Variants in TRAPPC10 observed in about 807,000 individuals in gnomAD.
The protein encoded by TRAPPC10 is trafficking protein particle complex subunit 10.
TRAPPC10 carries 23 observed loss-of-function variants against 125.5 expected under a neutral mutation model. The observed-to-expected ratio is 0.18, with a 90% CI of 0.13 to 0.26. TRAPPC10 has a LOEUF of 0.26. Among genes scored for constraint, TRAPPC10 ranks in the 10% least tolerant of loss-of-function variants. The pLI is 1.00. For synonymous variants in TRAPPC10, 509 were observed against 518.0 expected (o/e 0.98, Z 0.24); for missense variants, 1,123 against 1,308.4 (o/e 0.86, Z 2.19).
chr21:44,013,005 A>T (rs777920111), intron 1 of TRAPPC10, among the ~76,000 whole-genome samples: 1 of 152,152 alleles, frequency 6.6e-6, no homozygotes, highest in South Asian at 2.1e-4. Flanking sequence ...GCAGAGTTGC[A>T]GGCGTTGGCG....
chr21:44,032,286 C>T (rs548680714), intron 2 of TRAPPC10, 114 bp downstream of exon 2: 15 of 736,332 alleles, frequency 2.0e-5, no homozygotes, highest in Non-Finnish European at 2.8e-5. Context: ...TGAAGTAGCA[C>T]AAGTTAAAAG....
In TRAPPC10 at chr21:44,049,878, C is replaced by CT. The variant is rs71326020; in HGVS notation, c.286-2392dup. Among the ~76,000 whole-genome samples, 416 of 147,692 alleles carry CT rather than the reference C, an allele frequency of 2.8e-3. 2 individuals carry two copies. Among genetic ancestry groups the CT allele is most frequent in the Middle Eastern group, 0.021 (6 of 292 alleles). On this transcript the variant is annotated intron_variant, in intron 3 of 22. Coordinates refer to ENST00000291574, the MANE Select transcript of TRAPPC10 (RefSeq NM_003274.5). The stretch of plus-strand genomic sequence containing the variant: ...TGTAGTGACTTTGTTTTCTTTCTTT[C>CT]TTTTTTTTTTGTTTTTTTTGAGATG...
intron 3 of TRAPPC10, among the ~76,000 whole-genome samples, chr21:44,048,442 C>G (rs190764665): frequency 2.0e-5 from 3 of 152,114 alleles, no homozygotes; most frequent in African/African-American, 7.2e-5. Context: ...GTCTTGAAAA[C>G]CACTGATTCA....
Position 44,063,168 on chromosome 21 carries a change from G to A in TRAPPC10, c.791-370G>A. On this transcript the variant is annotated intron_variant, in intron 6 of 22. Transcript: ENST00000291574. This position sits in a 1 kb window ranked among gnomAD's most constrained non-coding sequence, Gnocchi z 4.4. ...AGAGCAGGCTGCACTCCAGCCCACA[G>A]GTAAAGATAAGGAAGCCCAGCCCCG... is the stretch of plus-strand genomic sequence containing the variant. 7.7e-7 allele frequency: 1 copy of A among 1,298,882 alleles called. No individual in the cohort carries two copies. Among genetic ancestry groups the A allele is most frequent in the Non-Finnish European group, 1.0e-6 (1 of 991,286 alleles). 80.5% of individuals were successfully genotyped at this position (1,298,882 alleles called of 1,614,324 possible).
intron 1 of TRAPPC10, among the ~76,000 whole-genome samples, chr21:44,029,725 G>T (rs925316842): frequency 2.0e-5 from 3 of 152,188 alleles, no homozygotes; most frequent in Non-Finnish European, 4.4e-5. Flanking sequence ...TCCTCATGGG[G>T]CCTTCCTGCG....
intron 12 of TRAPPC10, 78 bp from the exon 13 acceptor site, chr21:44,079,937 C>A: frequency 7.5e-7 from 1 of 1,326,008 alleles, no homozygotes; most frequent in Non-Finnish European, 1.1e-6. Flanking sequence ...TCTGTGAAGG[C>A]CGTAGGAGAC....
In TRAPPC10 at chr21:44,055,902, C is replaced by T. The variant is rs1202587295; in HGVS notation, c.678+9C>T. 1.3e-6 allele frequency: 2 copies of T among 1,591,396 alleles called. No homozygotes were observed. The highest frequency in any genetic ancestry group is 1.3e-5 in the African/African-American group (1 of 74,726). Reference sequence around the variant, plus strand: ...AATATTTCATGGTTCAGGTACTTGACTCATTACAGAACTAGACAGTTCCTT... The same window carrying T: ...AATATTTCATGGTTCAGGTACTTGATTCATTACAGAACTAGACAGTTCCTT... On this transcript the variant is annotated intron_variant, in intron 5 of 22. Coordinates refer to ENST00000291574, the MANE Select transcript of TRAPPC10 (RefSeq NM_003274.5).
intron 18 of TRAPPC10, chr21:44,091,666 C>T (rs1168517307): frequency 8.9e-6 from 3 of 337,904 alleles, no homozygotes; most frequent in Non-Finnish European, 1.7e-5. Flanking sequence ...TCTCAATCTC[C>T]TGACCTCATA....
chr21:44,067,335 G>A (rs77729562), intron 7 of TRAPPC10, among the ~76,000 whole-genome samples: 2,466 of 152,316 alleles, frequency 0.016, 35 homozygotes, highest in Non-Finnish European at 0.028. Flanking sequence ...AGGCAGAGAT[G>A]TAGTGTGGGA....
At chr21:44,060,907 T>TAC (rs1342979316) in intron 6 of TRAPPC10, among the ~76,000 whole-genome samples, 2 of 115,130 alleles carry the variant, frequency 1.7e-5, no homozygotes, top group African/African-American at 1.1e-4. Flanking sequence ...AGCCTATACA[T>TAC]ACATACATAC....
intron 3 of TRAPPC10, among the ~76,000 whole-genome samples, chr21:44,038,262 G>A (rs991420178): frequency 2.0e-5 from 3 of 152,164 alleles, no homozygotes; most frequent in Non-Finnish European, 2.9e-5. Flanking sequence ...CCGTGGCGCC[G>A]AGCGTGGTCG....
intron 17 of TRAPPC10, chr21:44,089,032 C>G (rs1165833023): frequency 5.1e-6 from 1 of 194,980 alleles, no homozygotes; most frequent in Non-Finnish European, 1.1e-5. Context: ...CCCCGCTCTT[C>G]CCTGGCGCTG....
At chr21:44,041,808 C>A (rs1341057008) in intron 3 of TRAPPC10, among the ~76,000 whole-genome samples, 1 of 152,138 alleles carries the variant, frequency 6.6e-6, no homozygotes, top group East Asian at 1.9e-4. Context: ...CTCACTGCAA[C>A]CTCTGCCTCC....
Position 44,077,730 on chromosome 21 carries a change from T to C in TRAPPC10, c.1415T>C (p.Ile472Thr), listed in dbSNP as rs199809242. ...GCCACCATTGAAATGTATACAAGCA[T>C]TGGGAGGATTCGATCTGCTAAGTTT... is the stretch of plus-strand genomic sequence containing the variant. ...SHATIEMYTSIGRIRSAKFVG... is the reference protein window; with the variant it reads ...SHATIEMYTSTGRIRSAKFVG... The change falls in exon 11 of 23, where the codon ATT becomes ACT. Residue 472 changes from isoleucine (I) to threonine (T), a missense_variant. Physicochemically the swap from Ile to Thr is moderately conservative, Grantham distance 89. Coordinates refer to ENST00000291574, the MANE Select transcript of TRAPPC10 (RefSeq NM_003274.5). The C allele has an allele frequency of 6.2e-7, 1 of 1,610,906 alleles. No homozygotes were observed. Among genetic ancestry groups the C allele is most frequent in the East Asian group, 2.2e-5 (1 of 44,798 alleles).
intron 3 of TRAPPC10, among the ~76,000 whole-genome samples, chr21:44,040,107 A>T (rs940960323): frequency 2.0e-5 from 3 of 152,208 alleles, no homozygotes; most frequent in Non-Finnish European, 4.4e-5. Flanking sequence ...AGTATGTATC[A>T]TAGTGTTTAT....
rs935328972 is a variant in TRAPPC10, at chr21:44,063,348, T to C, written c.791-190T>C. On this transcript the variant is annotated intron_variant, in intron 6 of 22. Coordinates refer to ENST00000291574, the MANE Select transcript of TRAPPC10 (RefSeq NM_003274.5). This position sits in a 1 kb window ranked among gnomAD's most constrained non-coding sequence, Gnocchi z 4.4. ...AGGGTGGTGTGCCTTGTTGCCTGGG[T>C]CACGTTACCCTCAGCTCGGCTGTCA... Among the ~76,000 whole-genome samples the C allele has an allele frequency of 2.0e-5, 3 of 152,150 alleles. No individual in the cohort carries two copies. Among genetic ancestry groups the C allele is most frequent in the Non-Finnish European group, 4.4e-5 (3 of 68,024 alleles).
intron 5 of TRAPPC10, among the ~76,000 whole-genome samples, chr21:44,058,808 C>T (rs1730737127): frequency 6.6e-6 from 1 of 152,220 alleles, no homozygotes; most frequent in African/African-American, 2.4e-5. Flanking sequence ...GCGAGGGGAG[C>T]AGGTGGCCAG....
At chr21:44,045,501 T>C (rs926034191) in intron 3 of TRAPPC10, among the ~76,000 whole-genome samples, 1 of 152,176 alleles carries the variant, frequency 6.6e-6, no homozygotes, top group Non-Finnish European at 1.5e-5. Flanking sequence ...CATTATTATT[T>C]TTGTTATTTT....
At chr21:44,026,923 C>T (rs1391113826) in intron 1 of TRAPPC10, among the ~76,000 whole-genome samples, 1 of 152,180 alleles carries the variant, frequency 6.6e-6, no homozygotes, top group Non-Finnish European at 1.5e-5. Context: ...CTCTGTCTTT[C>T]TCACCCATTA....
Sources: allele counts gnomAD v4.1 joint callset (sites outside exome capture counted in the v4.1 genomes callset), GRCh38; gene constraint gnomAD v4.1.1; non-coding constraint Gnocchi (gnomAD v3.1); transcripts MANE v1.5; gene names NCBI Gene and HGNC (gene_info 2026-07-23, HGNC 2026-07-21).